The following EVI2B variants were observed in gnomAD, a reference collection of about 807,000 sequenced individuals.
EVI2B encodes the protein ecotropic viral integration site 2B.
A neutral mutation model predicts 6.6 loss-of-function variants in EVI2B; 4 were observed. That is an observed-to-expected ratio of 0.61 (90% CI 0.30 to 1.39). EVI2B has a LOEUF of 1.39. EVI2B is among the 40% of genes most tolerant of loss of function. EVI2B has a pLI of 0.08. For missense variants in EVI2B, 484 were observed against 516.6 expected (o/e 0.94, Z 0.61); for synonymous variants, 181 against 186.8 (o/e 0.97, Z 0.25).
rs550872393 is a variant in EVI2B at position 31,311,849 on chromosome 17, A to G, written c.-22+2130T>C. Among the ~76,000 whole-genome samples the G allele has an allele frequency of 1.6e-4, 24 of 152,342 alleles. No homozygotes were observed. The South Asian group carries it at 3.9e-3, about 25-fold the overall frequency. ...CTATACTGCCTTTCATAGAAAAGTT[A>G]TGAAATAGAAATGCTTTATGAAGGA... On this transcript the variant is annotated intron_variant, in intron 1 of 1. Coordinates refer to ENST00000330927, the MANE Select transcript of EVI2B (RefSeq NM_006495.4).
rs188944676 is a variant in EVI2B, at chr17:31,304,419, C to T, written c.1191G>A (p.Pro397=). 40 of 1,613,976 alleles carry T rather than the reference C, an allele frequency of 2.5e-5. No individual in the cohort carries two copies. The highest frequency in any genetic ancestry group is 1.3e-4 in the Admixed American group (8 of 60,002). The change falls in exon 2 of 2, where the codon CCG becomes CCA. Residue 397 remains proline, a synonymous_variant. Coordinates refer to ENST00000330927, the MANE Select transcript of EVI2B (RefSeq NM_006495.4). ...GCAGGGGCAAGTTAAGTGAGTCAAGCGGTGGAAATGATTGTATTATCTCAG... is the reference window on the plus strand; with the variant it reads ...GCAGGGGCAAGTTAAGTGAGTCAAGTGGTGGAAATGATTGTATTATCTCAG... ...HKSEIIQSFP[P]LDSLNLPLPP...
intron 1 of EVI2B, among the ~76,000 whole-genome samples, chr17:31,312,646 A>C (rs558351103): frequency 6.6e-6 from 1 of 152,170 alleles, no homozygotes; most frequent in Non-Finnish European, 1.5e-5. Context: ...TTTATGCATA[A>C]TGAAATAAAC....
At chr17:31,310,285 G>A (rs577085398) in intron 1 of EVI2B, among the ~76,000 whole-genome samples, 1 of 152,094 alleles carries the variant, frequency 6.6e-6, no homozygotes, top group East Asian at 1.9e-4. Flanking sequence ...ACTCTAGGAA[G>A]CAGCGAACAG....
At position 31,303,938 on chromosome 17, in the gene EVI2B, C is replaced by A; in HGVS notation, c.*325G>T. The A allele has an allele frequency of 5.6e-6, 1 of 177,568 alleles. No homozygotes were observed. The highest frequency in any genetic ancestry group is 5.7e-5 in the Admixed American group (1 of 17,570). The allele number at this position is 177,568 out of a possible 1,614,324, so 11.0% of individuals were successfully genotyped here. On this transcript the variant is annotated 3_prime_UTR_variant, in exon 2 of 2. Transcript: ENST00000330927. ...AGTTTATTCACCATAATTTTATACA[C>A]AGCTTTTCAGGGGAAAAAAAACTGT...
At chr17:31,311,579 A>G (rs191918910) in intron 1 of EVI2B, among the ~76,000 whole-genome samples, 169 of 152,352 alleles carry the variant, frequency 1.1e-3, no homozygotes, top group African/African-American at 3.8e-3. Flanking sequence ...CAACTACAAT[A>G]GGAAGTATTT....
At chr17:31,312,857 T>C (rs1362241379) in intron 1 of EVI2B, among the ~76,000 whole-genome samples, 1 of 114,398 alleles carries the variant, frequency 8.7e-6, no homozygotes, top group African/African-American at 2.5e-5. Context: ...TAAAATACTC[T>C]TTGCAGTTTT....
chr17:31,310,071 C>T (rs142683536), intron 1 of EVI2B, among the ~76,000 whole-genome samples: 2 of 152,046 alleles, frequency 1.3e-5, no homozygotes, highest in Non-Finnish European at 2.9e-5. Flanking sequence ...TTTTTCCCAG[C>T]GGTAATGAGG....
chr17:31,304,778 T>G lies in EVI2B; in HGVS notation c.832A>C (p.Ser278Arg). The G allele has an allele frequency of 6.2e-7, 1 of 1,614,140 alleles. No individual in the cohort carries two copies. The highest frequency in any genetic ancestry group is 1.1e-5 in the South Asian group (1 of 91,066). Reference protein sequence around the residue: ...SIISLTPWKPSKSTLLADDLE... With the variant: ...SIISLTPWKPRKSTLLADDLE... ...TCATCTGCTAAAAGTGTGCTTTTGC[T>G]TGGTTTCCAGGGTGTAAGTGAAATG... The change falls in exon 2 of 2, where the codon AGC becomes CGC. Residue 278 changes from serine to arginine, a missense_variant. Transcript: ENST00000330927.
In EVI2B at chr17:31,312,681, A is replaced by G. The variant is rs570564274; in HGVS notation, c.-22+1298T>C. ...CTAAATATTAGAAGTAGAAAAATATATAGACAAGCCTAATCTGAAAAAGAG... is the reference window on the plus strand; with the variant it reads ...CTAAATATTAGAAGTAGAAAAATATGTAGACAAGCCTAATCTGAAAAAGAG... On this transcript the variant is annotated intron_variant, in intron 1 of 1. Transcript: ENST00000330927. Among the ~76,000 whole-genome samples the G allele has an allele frequency of 1.1e-4, 16 of 152,286 alleles. No individual in the cohort carries two copies. The East Asian group carries it at 2.9e-3, about 27-fold the overall frequency.
chr17:31,309,710 G>A (rs1260897100), intron 1 of EVI2B, among the ~76,000 whole-genome samples: 2 of 152,150 alleles, frequency 1.3e-5, no homozygotes, highest in African/African-American at 4.8e-5. Flanking sequence ...CATTAGAGAA[G>A]GACAGGGCCC....
intron 1 of EVI2B, among the ~76,000 whole-genome samples, chr17:31,310,781 T>A (rs1053431297): frequency 3.9e-5 from 6 of 152,148 alleles, no homozygotes; most frequent in Non-Finnish European, 7.3e-5. Flanking sequence ...TATGCCGGTT[T>A]TTACTCATTA....
intron 1 of EVI2B, among the ~76,000 whole-genome samples, chr17:31,306,222 A>G (rs1256308715): frequency 6.6e-6 from 1 of 151,986 alleles, no homozygotes; most frequent in African/African-American, 2.4e-5. Flanking sequence ...CCTCCTAAAT[A>G]TGGTTAATTG....
At chr17:31,312,187 A>C (rs2068892588) in intron 1 of EVI2B, among the ~76,000 whole-genome samples, 1 of 152,000 alleles carries the variant, frequency 6.6e-6, no homozygotes, top group African/African-American at 2.4e-5. Context: ...CACTACTAGT[A>C]AACTTTAGAT....
Position 31,304,581 on chromosome 17 carries a change from G to A in EVI2B, c.1029C>T (p.Pro343=). The A allele has an allele frequency of 6.2e-7, 1 of 1,614,118 alleles. No homozygotes were observed. Among genetic ancestry groups the A allele is most frequent in the Non-Finnish European group, 8.5e-7 (1 of 1,180,018 alleles). Reference sequence around the variant, plus strand: ...TTTCCTGTCCTTCCAAATCCAGAAGGGGAGGTGGTGGAGGCAGATCTGCAT... The same window carrying A: ...TTTCCTGTCCTTCCAAATCCAGAAGAGGAGGTGGTGGAGGCAGATCTGCAT... The part of the protein sequence containing the change: ...SDDADLPPPP[P]LLDLEGQESN... Residue 343 remains proline (P), a synonymous_variant, in exon 2 of 2, where the codon CCC becomes CCT. Transcript: ENST00000330927.
intron 1 of EVI2B, among the ~76,000 whole-genome samples, chr17:31,312,224 A>G (rs982528261): frequency 5.9e-5 from 9 of 152,232 alleles, no homozygotes; most frequent in African/African-American, 1.9e-4. Context: ...AAAAACATGT[A>G]TGGGACCAGG....
intron 1 of EVI2B, among the ~76,000 whole-genome samples, chr17:31,307,655 T>C (rs932053857): frequency 6.6e-6 from 1 of 152,190 alleles, no homozygotes; most frequent in African/African-American, 2.4e-5. Context: ...TCCTCTAAAG[T>C]GAAGAGTTCT....
chr17:31,305,393 G>A lies in EVI2B; in HGVS notation c.217C>T (p.Pro73Ser), dbSNP rs1382925288. ...GGTTGTCCAGCAGTGACTTTGGCAG[G>A]TGATATTGATTGTCCAGAAAAAGTG... ...SDTFSGQSISPAKVTAGQPTP... is the reference protein window; with the variant it reads ...SDTFSGQSISSAKVTAGQPTP... The change falls in exon 2 of 2, where the codon CCT (proline) becomes TCT (serine). Residue 73 changes from proline to serine, a missense_variant. Transcript: ENST00000330927. 6.2e-7 allele frequency: 1 copy of A among 1,614,180 alleles called. No homozygotes were observed. The highest frequency in any genetic ancestry group is 2.2e-5 in the East Asian group (1 of 44,890).
At position 31,304,807 on chromosome 17, in the gene EVI2B, G is replaced by A. The variant is rs2068664146; in HGVS notation, c.803C>T (p.Ser268Leu). ...TTTCCAGGGTGTAAGTGAAATGATTGATGTACGTTTTGTGGATATTTCATT... is the reference window on the plus strand; with the variant it reads ...TTTCCAGGGTGTAAGTGAAATGATTAATGTACGTTTTGTGGATATTTCATT... ...RENEISTKRT[S>L]IISLTPWKPS... Residue 268 changes from serine to leucine, a missense_variant, in exon 2 of 2, where the codon TCA becomes TTA. Ser to Leu is a moderately radical substitution (Grantham distance 145). Coordinates refer to ENST00000330927, the MANE Select transcript of EVI2B (RefSeq NM_006495.4). 1 of 1,613,830 alleles carries A rather than the reference G, an allele frequency of 6.2e-7. No homozygotes were observed. Among genetic ancestry groups the A allele is most frequent in the Admixed American group, 1.7e-5 (1 of 59,982 alleles).
intron 1 of EVI2B, 98 bp from the exon 2 acceptor site, chr17:31,305,728 T>A: frequency 1.0e-6 from 1 of 980,310 alleles, no homozygotes; most frequent in Non-Finnish European, 1.5e-6. Flanking sequence ...ATAAAGTAGG[T>A]AGACATTATT....
Sources: allele counts gnomAD v4.1 joint callset (sites outside exome capture counted in the v4.1 genomes callset), GRCh38; gene constraint gnomAD v4.1.1; transcripts MANE v1.5; gene names NCBI Gene and HGNC (gene_info 2026-07-23, HGNC 2026-07-21).